Variants in PCDH15 observed in about 807,000 individuals in gnomAD.
The protein encoded by PCDH15 is protocadherin-15.
A neutral mutation model predicts 178.5 loss-of-function variants in PCDH15; 129 were observed. The ratio of observed to expected loss-of-function variants is 0.72; its 90% CI spans 0.63 to 0.84. PCDH15 has a LOEUF of 0.84. Among genes scored for constraint, PCDH15 ranks in the 40% least tolerant of loss-of-function variants. The pLI is 0.00. For synonymous variants in PCDH15, 800 were observed against 732.0 expected (o/e 1.09, Z -1.50); for missense variants, 2,230 against 2,099.9 (o/e 1.06, Z -1.21).
intron 2 of PCDH15, among the ~76,000 whole-genome samples, chr10:54,937,649 T>C (rs913845083): frequency 6.6e-6 from 1 of 151,992 alleles, no homozygotes; most frequent in African/African-American, 2.4e-5. Context: ...TACAATTGAA[T>C]TGTGGATGTC....
chr10:54,733,061 T>C (rs1026216390), intron 1 of PCDH15, among the ~76,000 whole-genome samples: 1 of 151,598 alleles, frequency 6.6e-6, no homozygotes, highest in Non-Finnish European at 1.5e-5. Flanking sequence ...AACATTATAA[T>C]GGCGAAAGAC....
chr10:54,862,896 C>A (rs1414194716), intron 3 of PCDH15, among the ~76,000 whole-genome samples: 1 of 152,046 alleles, frequency 6.6e-6, no homozygotes, highest in Non-Finnish European at 1.5e-5. Context: ...ATTATGCAGC[C>A]TCAGATATTA....
Position 54,567,500 on chromosome 10 carries a change from T to A in PCDH15, c.92-39623A>T, listed in dbSNP as rs1590161468. Among the ~76,000 whole-genome samples the A allele has an allele frequency of 2.0e-5, 3 of 152,180 alleles. No homozygotes were observed. The East Asian group carries it at 5.8e-4, about 29-fold the overall frequency. On this transcript the variant is annotated intron_variant, in intron 2 of 37. Transcript: ENST00000644397. ...TATATCATTTCACATTTTTTATCAA[T>A]GCTTTTAGCTCTTCCAAACCATTAT...
intron 2 of PCDH15, among the ~76,000 whole-genome samples, chr10:54,976,220 A>G (rs186650904): frequency 6.6e-6 from 1 of 152,338 alleles, no homozygotes; most frequent in East Asian, 1.9e-4. Flanking sequence ...AAAGAAAACA[A>G]AATATCAGAT....
intron 1 of PCDH15, among the ~76,000 whole-genome samples, chr10:55,254,007 G>A (rs566775375): frequency 5.3e-5 from 8 of 152,206 alleles, no homozygotes; most frequent in South Asian, 2.1e-4. Context: ...CTTTAAAAAC[G>A]TTTAGTATCT....
At chr10:55,137,706 G>A (rs531677832) in intron 2 of PCDH15, among the ~76,000 whole-genome samples, 1 of 152,114 alleles carries the variant, frequency 6.6e-6, no homozygotes, top group Non-Finnish European at 1.5e-5. Context: ...GAAATAGCAA[G>A]TATATACCCC....
rs17704703 is a variant in PCDH15 at position 53,806,646 on chromosome 10, T to G, written c.5156A>C (p.Gln1719Pro). 431,814 of 1,613,326 alleles carry G rather than the reference T, an allele frequency of 0.27. 63,781 individuals carry two copies. The highest frequency in any genetic ancestry group is 0.31 in the Non-Finnish European group (363,550 of 1,179,404). ...CATCCAAAGCTCTTCATCATCAGAC[T>G]GTGTGTGGTCACTATGAAATTCCAA... ...EALEFHSDHT[Q>P]SDDEELWMGP... Residue 1719 changes from glutamine (Q) to proline (P), a missense_variant, in exon 38 of 38, where the codon CAG becomes CCG. Gln to Pro is a moderately conservative substitution (Grantham distance 76, BLOSUM62 -1). Transcript: ENST00000644397.
At chr10:55,469,508 A>G (rs1233453504) in intron 2 of PCDH15, among the ~76,000 whole-genome samples, 2 of 152,094 alleles carry the variant, frequency 1.3e-5, no homozygotes, top group African/African-American at 4.8e-5. Flanking sequence ...TTTCATTACA[A>G]TCTGTAAGGA....
chr10:55,514,888 T>C (rs1378089599), intron 2 of PCDH15, among the ~76,000 whole-genome samples: 1 of 151,954 alleles, frequency 6.6e-6, no homozygotes, highest in East Asian at 1.9e-4. Flanking sequence ...CTACTCTAGC[T>C]TAGGTGGACA....
chr10:54,388,813 A>G (rs1014412712), intron 3 of PCDH15, among the ~76,000 whole-genome samples: 8 of 152,208 alleles, frequency 5.3e-5, no homozygotes, highest in African/African-American at 1.9e-4. Context: ...GAAGGTCTAC[A>G]GACAACACAA....
chr10:54,173,670 C>T (rs1284643652), intron 13 of PCDH15, among the ~76,000 whole-genome samples: 5 of 151,898 alleles, frequency 3.3e-5, no homozygotes, highest in African/African-American at 9.7e-5. Flanking sequence ...TATTAAAGGT[C>T]AATGTGCTGG....
chr10:53,836,488 A>T (rs1042090837), intron 29 of PCDH15, among the ~76,000 whole-genome samples: 2 of 144,682 alleles, frequency 1.4e-5, no homozygotes, highest in Non-Finnish European at 3.0e-5. Context: ...AGGACTGAGT[A>T]AGAAGACTGA....
chr10:54,103,454 G>A (rs2094849459), intron 15 of PCDH15, among the ~76,000 whole-genome samples: 1 of 152,208 alleles, frequency 6.6e-6, no homozygotes, highest in Non-Finnish European at 1.5e-5. Flanking sequence ...TTGAGTGACT[G>A]TGGTTCACAC....
intron 1 of PCDH15, among the ~76,000 whole-genome samples, chr10:54,712,090 T>C (rs1449481276): frequency 6.6e-6 from 1 of 151,938 alleles, no homozygotes; most frequent in Non-Finnish European, 1.5e-5. Context: ...GAGGCACTCC[T>C]AAATTTGAAT....
intron 2 of PCDH15, among the ~76,000 whole-genome samples, chr10:54,578,578 G>C (rs2090737866): frequency 6.6e-6 from 1 of 152,060 alleles, no homozygotes; most frequent in Non-Finnish European, 1.5e-5. Flanking sequence ...TTCCAAGTCA[G>C]TTAGCTGGTG....
At chr10:53,863,268 C>A (rs2079217498) in intron 27 of PCDH15, among the ~76,000 whole-genome samples, 1 of 152,044 alleles carries the variant, frequency 6.6e-6, no homozygotes, top group Non-Finnish European at 1.5e-5. Flanking sequence ...TGTCTGAGCC[C>A]TGAGAAACCT....
At chr10:54,555,750 A>AAAAAG (rs2087157294) in intron 2 of PCDH15, among the ~76,000 whole-genome samples, 1 of 148,866 alleles carries the variant, frequency 6.7e-6, no homozygotes, top group Non-Finnish European at 1.5e-5. Flanking sequence ...AAAAAAAAAA[A>AAAAAG]AAAAGAAAAG....
chr10:54,968,884 C>T (rs549343871), intron 2 of PCDH15, among the ~76,000 whole-genome samples: 14 of 152,062 alleles, frequency 9.2e-5, no homozygotes, highest in Middle Eastern at 3.4e-3. Flanking sequence ...TTTCTTCAAA[C>T]GTGTTTATTT....
At chr10:54,429,925 A>T (rs1956761970) in intron 3 of PCDH15, among the ~76,000 whole-genome samples, 1 of 152,158 alleles carries the variant, frequency 6.6e-6, no homozygotes, top group South Asian at 2.1e-4. Context: ...CATTGGACAG[A>T]TCTAAGACAG....
Sources: gnomAD v4.1 joint callset for allele counts (sites outside exome capture counted in the v4.1 genomes callset) on GRCh38, gnomAD v4.1.1 for gene constraint, MANE v1.5 for transcripts, NCBI Gene and HGNC (gene_info 2026-07-23, HGNC 2026-07-21) for gene names.